STAMBPL1: variants seen among roughly 807,000 people sequenced by gnomAD.
The protein encoded by STAMBPL1 is AMSH-like protease.
A neutral mutation model predicts 52.9 loss-of-function variants in STAMBPL1; 44 were observed. The ratio of observed to expected loss-of-function variants is 0.83; its 90% confidence interval spans 0.65 to 1.07. The LOEUF (loss-of-function observed/expected upper bound fraction) is 1.07, where lower values mean the gene tolerates loss of function less well. STAMBPL1 is among the 50% of genes least tolerant of loss of function. STAMBPL1 has a pLI of 0.00. For missense variants in STAMBPL1, 511 were observed against 520.8 expected (o/e 0.98, Z 0.18); for synonymous variants, 164 against 177.3 (o/e 0.92, Z 0.60).
In STAMBPL1 at chr10:88,914,522, T is replaced by G; in HGVS notation, c.779-12T>G. On this transcript the variant is annotated splice_polypyrimidine_tract_variant and intron_variant, in intron 6 of 10. Coordinates refer to ENST00000371926, the MANE Select transcript of STAMBPL1 (RefSeq NM_020799.4). ...TTGTTTTTTAGCCTTTTCTCCCTTT[T>G]TTGTTTCTTAGATTTAGTGGTTGAA... The G allele has an allele frequency of 6.7e-7, 1 of 1,481,604 alleles. No individual in the cohort carries two copies. The highest frequency in any genetic ancestry group is 1.4e-5 in the South Asian group (1 of 68,970). 91.8% of individuals were successfully genotyped at this position (1,481,604 alleles called of 1,614,324 possible).
At chr10:88,912,454 G>T (rs1209833832) in intron 5 of STAMBPL1, 1 of 152,216 alleles carries the variant, frequency 6.6e-6, no homozygotes, top group Non-Finnish European at 1.5e-5. Flanking sequence ...GACAGAGAAG[G>T]TTGGAACACA....
intron 7 of STAMBPL1, 96 bp downstream of exon 7, chr10:88,914,754 C>T: frequency 2.0e-6 from 1 of 498,360 alleles, no homozygotes; most frequent in Non-Finnish European, 2.9e-6. Context: ...CAGAATAAAA[C>T]CATGCTAAGA....
At chr10:88,917,963 GCA>G in intron 8 of STAMBPL1, among the ~76,000 whole-genome samples, 1 of 152,248 alleles carries the variant, frequency 6.6e-6, no homozygotes, top group South Asian at 2.1e-4. Flanking sequence ...GGGCAAGAGA[GCA>G]CTCCCTTCAA....
intron 10 of STAMBPL1, among the ~76,000 whole-genome samples, chr10:88,922,745 A>G (rs1278875673): frequency 6.6e-6 from 1 of 152,214 alleles, no homozygotes; most frequent in Non-Finnish European, 1.5e-5. Context: ...CAATTATCAT[A>G]GAAAATGACA....
At chr10:88,895,116 C>G (rs1025512525) in intron 1 of STAMBPL1, among the ~76,000 whole-genome samples, 1 of 152,218 alleles carries the variant, frequency 6.6e-6, no homozygotes, top group South Asian at 2.1e-4. Context: ...CTGCCATCCT[C>G]CAGACACTGG....
chr10:88,903,791 A>G (rs1399776178), intron 2 of STAMBPL1, among the ~76,000 whole-genome samples: 1 of 152,184 alleles, frequency 6.6e-6, no homozygotes, highest in Non-Finnish European at 1.5e-5. Flanking sequence ...AGAAACTCCA[A>G]TTTCTGTCTC....
chr10:88,911,808 G>A (rs1845232311), intron 5 of STAMBPL1, among the ~76,000 whole-genome samples: 1 of 152,190 alleles, frequency 6.6e-6, no homozygotes. Flanking sequence ...AGGGAATGGT[G>A]AAATTGGAAA....
At chr10:88,882,488 A>C (rs1434545521) in intron 1 of STAMBPL1, 1 of 152,246 alleles carries the variant, frequency 6.6e-6, no homozygotes, top group African/African-American at 2.4e-5. Flanking sequence ...AAGAATTTAC[A>C]GCTACAATCC....
At chr10:88,904,329 C>T (rs1298666170) in intron 2 of STAMBPL1, among the ~76,000 whole-genome samples, 1 of 152,190 alleles carries the variant, frequency 6.6e-6, no homozygotes, top group African/African-American at 2.4e-5. Flanking sequence ...GAGATCCTGA[C>T]TATAGGTCTG....
intron 6 of STAMBPL1, 109 bp from the exon 7 acceptor site, chr10:88,914,425 C>T (rs1845314757): frequency 1.2e-6 from 1 of 857,632 alleles, no homozygotes; most frequent in Admixed American, 3.2e-5. Context: ...ACACCTGATA[C>T]TTTTATTTTT....
rs374001893 is a variant in STAMBPL1, at chr10:88,901,684, A to T, written c.-25A>T. ...AAGTGATTGAGAAGAAACAGTGAAC[A>T]TCCTCATTTCACAGATAAGACAACA... is the stretch of plus-strand genomic sequence containing the variant. On this transcript the variant is annotated 5_prime_UTR_variant, in exon 2 of 11. Transcript: ENST00000371926. 1 of 1,606,800 alleles carries T rather than the reference A, an allele frequency of 6.2e-7. No individual in the cohort carries two copies. The highest frequency in any genetic ancestry group is 8.5e-7 in the Non-Finnish European group (1 of 1,176,992).
intron 1 of STAMBPL1, among the ~76,000 whole-genome samples, chr10:88,887,899 A>C (rs1844578686): frequency 6.6e-6 from 1 of 152,246 alleles, no homozygotes; most frequent in Admixed American, 6.5e-5. Flanking sequence ...GAATCCGCTT[A>C]AGAGCTAAAT....
At chr10:88,895,977 T>TCATTGATCTAATATAAA (rs1844801314) in intron 1 of STAMBPL1, among the ~76,000 whole-genome samples, 1 of 152,238 alleles carries the variant, frequency 6.6e-6, no homozygotes, top group Non-Finnish European at 1.5e-5. Context: ...ACATTCTTGC[T>TCATTGATCTAATATAAA]CATTGATCTA....
chr10:88,904,647 T>A (rs1845027618), intron 2 of STAMBPL1, among the ~76,000 whole-genome samples: 1 of 141,424 alleles, frequency 7.1e-6, no homozygotes, highest in Non-Finnish European at 1.6e-5. Flanking sequence ...ATTTCCTTTC[T>A]GAAGCACCGA....
chr10:88,882,594 C>T (rs950405416), intron 1 of STAMBPL1: 4 of 152,146 alleles, frequency 2.6e-5, no homozygotes, highest in African/African-American at 7.2e-5. Context: ...AATGTAGATT[C>T]CGTCCAGGAA....
chr10:88,914,575 G>A lies in STAMBPL1; in HGVS notation c.820G>A (p.Asp274Asn), dbSNP rs1845319519. Residue 274 changes from aspartate (D) to asparagine (N), a missense_variant, in exon 7 of 11, where the codon GAT (aspartate) becomes AAT (asparagine). By Grantham distance (23) the Asp-to-Asn change is conservative. Coordinates refer to ENST00000371926, the MANE Select transcript of STAMBPL1 (RefSeq NM_020799.4). Reference protein sequence around the residue: ...EGLRCVVLPEDLCHKFLQLAE... With the variant: ...EGLRCVVLPENLCHKFLQLAE... ...ACTGCGATGTGTAGTTTTGCCAGAA[G>A]ATCTTTGCCACAAATTTCTGCAACT... 2 of 1,539,206 alleles carry A rather than the reference G, an allele frequency of 1.3e-6. No homozygotes were observed. The highest frequency in any genetic ancestry group is 2.8e-5 in the African/African-American group (2 of 71,508).
chr10:88,909,269 A>C (rs891315674), intron 4 of STAMBPL1, among the ~76,000 whole-genome samples: 1 of 152,232 alleles, frequency 6.6e-6, no homozygotes, highest in Non-Finnish European at 1.5e-5. Flanking sequence ...AATACTATAA[A>C]GGAAAAAGAG....
chr10:88,919,267 G>A (rs1845445297), intron 8 of STAMBPL1, among the ~76,000 whole-genome samples: 1 of 152,118 alleles, frequency 6.6e-6, no homozygotes, highest in African/African-American at 2.4e-5. Context: ...TTATCTTGTT[G>A]CTGTGAGAAT....
At chr10:88,911,757 T>C (rs974769287) in intron 5 of STAMBPL1, among the ~76,000 whole-genome samples, 1 of 152,158 alleles carries the variant, frequency 6.6e-6, no homozygotes. Flanking sequence ...TGGGCATAGG[T>C]GGAAGGCTGG....
Sources: gnomAD v4.1 joint callset for allele counts (sites outside exome capture counted in the v4.1 genomes callset) on GRCh38, gnomAD v4.1.1 for gene constraint, MANE v1.5 for transcripts, NCBI Gene and HGNC (gene_info 2026-07-23, HGNC 2026-07-21) for gene names.